The following SPINDOC variants were observed in gnomAD, a reference collection of about 807,000 sequenced individuals.
The protein encoded by SPINDOC is spindlin interactor and repressor of chromatin-binding protein.
A neutral mutation model predicts 30.7 loss-of-function variants in SPINDOC; 13 were observed. The observed-to-expected ratio is 0.42, with a 90% CI of 0.28 to 0.67. The LOEUF is 0.67. Among genes scored for constraint, SPINDOC ranks in the 30% least tolerant of loss-of-function variants. The pLI, the probability that SPINDOC is intolerant of heterozygous loss-of-function variation, is 0.22. For missense variants in SPINDOC, 438 were observed against 518.0 expected (o/e 0.85, Z 1.50); for synonymous variants, 228 against 211.4 (o/e 1.08, Z -0.68).
chr11:63,827,302 GTGTC>G lies in SPINDOC; in HGVS notation c.*167_*170del. On this transcript the variant is annotated 3_prime_UTR_variant, in exon 6 of 6. Coordinates refer to ENST00000294244, the MANE Select transcript of SPINDOC (RefSeq NM_138471.3). ...CACTGTTATTTCGGGGCACTGGAAA[GTGTC>G]TGTTCCTGGCCAGGCCTGAGGTCGG... The G allele has an allele frequency of 7.5e-7, 1 of 1,332,442 alleles. No individual in the cohort carries two copies. The highest frequency in any genetic ancestry group is 1.0e-6 in the Non-Finnish European group (1 of 986,908). 82.5% of individuals were successfully genotyped at this position (1,332,442 alleles called of 1,614,324 possible).
chr11:63,813,562 G>A lies in SPINDOC; in HGVS notation c.-125G>A. On this transcript the variant is annotated 5_prime_UTR_variant, in exon 1 of 6. Coordinates refer to ENST00000294244, the MANE Select transcript of SPINDOC (RefSeq NM_138471.3). ...CGAGCGGCGGGCGGGCGGCGGGGAG[G>A]GGGCTGCGCGGGGCGGGCGGCGGGC... 1 of 816,290 alleles carries A rather than the reference G, an allele frequency of 1.2e-6. No individual in the cohort carries two copies. The highest frequency in any genetic ancestry group is 1.5e-6 in the Non-Finnish European group (1 of 671,800). 50.6% of individuals were successfully genotyped at this position (816,290 alleles called of 1,614,324 possible).
Position 63,826,989 on chromosome 11 carries a change from GC to G in SPINDOC, c.1001del (p.Pro334GlnfsTer60). 1 of 1,613,438 alleles carries G rather than the reference GC, an allele frequency of 6.2e-7. No individual in the cohort carries two copies. The highest frequency in any genetic ancestry group is 8.5e-7 in the Non-Finnish European group (1 of 1,179,488). ...LQVIRVRMEE[P>X]PAVSLLQDWS... ...AGGTTATCCGCGTGCGGATGGAGGA[GC>G]CCCCAGCGGTCAGCCTCCTGCAAGA... On this transcript the variant is annotated frameshift_variant, in exon 6 of 6. Transcript: ENST00000294244. LOFTEE classifies it high-confidence loss of function.
At chr11:63,821,434 A>C (rs1278822878) in intron 5 of SPINDOC, among the ~76,000 whole-genome samples, 1 of 152,192 alleles carries the variant, frequency 6.6e-6, no homozygotes, top group Non-Finnish European at 1.5e-5. Flanking sequence ...TTGCCATGTA[A>C]CAAAACATTC....
intron 5 of SPINDOC, among the ~76,000 whole-genome samples, chr11:63,825,777 C>T (rs1257586790): frequency 6.6e-6 from 1 of 152,100 alleles, no homozygotes; most frequent in Non-Finnish European, 1.5e-5. Flanking sequence ...TTTTAAATTC[C>T]AGCACATCGC....
chr11:63,825,252 C>G (rs192236168), intron 5 of SPINDOC, among the ~76,000 whole-genome samples: 6 of 152,190 alleles, frequency 3.9e-5, no homozygotes, highest in South Asian at 2.1e-4. Context: ...ACCTCTCCCC[C>G]CACATCCCGC....
At chr11:63,823,335 CTT>C (rs1464453528) in intron 5 of SPINDOC, 1 of 1,176,854 alleles carries the variant, frequency 8.5e-7, no homozygotes, top group African/African-American at 1.6e-5. Flanking sequence ...TCTCTGAAGA[CTT>C]TATTTAAATA....
At position 63,818,890 on chromosome 11, in the gene SPINDOC, C is replaced by T. The variant is rs780810675; in HGVS notation, c.822C>T (p.Phe274=). Residue 274 remains phenylalanine, a synonymous_variant, in exon 5 of 6, where the codon TTC becomes TTT. Transcript: ENST00000294244. This position sits in a 1 kb window ranked among gnomAD's most constrained non-coding sequence, Gnocchi z 5.3. ...HFTDGSFPAG[F]VLQLFSHTQL... ...CTGACGGCAGCTTCCCCGCCGGCTT[C>T]GTCTTGCAGCTCTTCTCCCACACCC... 34 of 1,614,064 alleles carry T rather than the reference C, an allele frequency of 2.1e-5. No homozygotes were observed. Among genetic ancestry groups the T allele is most frequent in the Non-Finnish European group, 2.6e-5 (31 of 1,180,054 alleles).
rs878859920 is a variant in SPINDOC, at chr11:63,827,645, C to T, written c.*506C>T. ...TGGGCCTGGGCACCCCATTCACTCC[C>T]GTTCTCATTTACATCTGTTTTCCTG... On this transcript the variant is annotated 3_prime_UTR_variant, in exon 6 of 6. Coordinates refer to ENST00000294244, the MANE Select transcript of SPINDOC (RefSeq NM_138471.3). 4.1e-5 allele frequency: 7 copies of T among 171,548 alleles called. No individual in the cohort carries two copies. Among genetic ancestry groups the T allele is most frequent in the South Asian group, 1.5e-4 (1 of 6,864 alleles). 10.6% of individuals were successfully genotyped at this position (171,548 alleles called of 1,614,324 possible).
Position 63,818,312 on chromosome 11 carries a change from C to A in SPINDOC, c.554C>A (p.Pro185Gln), listed in dbSNP as rs780393570. 57 of 1,613,862 alleles carry A rather than the reference C, an allele frequency of 3.5e-5. No individual in the cohort carries two copies. The highest frequency in any genetic ancestry group is 4.7e-5 in the Non-Finnish European group (56 of 1,180,012). The change falls in exon 3 of 6, where the codon CCA (proline) becomes CAA (glutamine). Residue 185 changes from proline (P) to glutamine (Q), a missense_variant. Pro to Gln is a moderately conservative substitution (Grantham distance 76, BLOSUM62 -1). Transcript: ENST00000294244. This position sits in a 1 kb window ranked among gnomAD's most constrained non-coding sequence, Gnocchi z 5.3. Reference protein sequence around the residue: ...IVVLLDSEDNPSLPKRSRPRG... With the variant: ...IVVLLDSEDNQSLPKRSRPRG... The stretch of plus-strand genomic sequence containing the variant: ...GTTCTCCTTGACTCTGAGGATAACC[C>A]ATCCCTCCCTAAAAGGAGCCGGCCC...
chr11:63,817,623 G>T (rs1409649960), intron 1 of SPINDOC, among the ~76,000 whole-genome samples, 182 bp from the exon 2 acceptor site: 1 of 152,124 alleles, frequency 6.6e-6, no homozygotes, highest in African/African-American at 2.4e-5. Context: ...TGGGATCCCG[G>T]GCACATCGGC....
chr11:63,816,705 A>G (rs895317075), intron 1 of SPINDOC, among the ~76,000 whole-genome samples: 3 of 152,212 alleles, frequency 2.0e-5, no homozygotes, highest in Non-Finnish European at 4.4e-5. Flanking sequence ...TTCCAGGCTG[A>G]TGCAGGTCTA....
At position 63,813,717 on chromosome 11, in the gene SPINDOC, G is replaced by A. The variant is rs1248916415; in HGVS notation, c.31G>A (p.Asp11Asn). Residue 11 changes from aspartate to asparagine, a missense_variant, in exon 1 of 6, where the codon GAC becomes AAC. By Grantham distance (23) the Asp-to-Asn change is conservative. Transcript: ENST00000294244. MALKAEGAALDCFEVTLKCEE... is the reference protein window; with the variant it reads MALKAEGAALNCFEVTLKCEE... ...CCTAAAGGCCGAGGGCGCCGCACTCGACTGCTTCGAGGTGACGCTGAAATG... is the reference window on the plus strand; with the variant it reads ...CCTAAAGGCCGAGGGCGCCGCACTCAACTGCTTCGAGGTGACGCTGAAATG... 1.3e-6 allele frequency: 2 copies of A among 1,590,866 alleles called. No homozygotes were observed. Among genetic ancestry groups the A allele is most frequent in the Admixed American group, 1.8e-5 (1 of 57,056 alleles).
intron 5 of SPINDOC, among the ~76,000 whole-genome samples, chr11:63,826,602 G>A (rs1396429615): frequency 6.6e-6 from 1 of 152,164 alleles, no homozygotes; most frequent in Non-Finnish European, 1.5e-5. Context: ...AGATAAAATG[G>A]AGTTGGCTGC....
chr11:63,823,363 TA>T (rs973407840), intron 5 of SPINDOC: 10 of 1,173,898 alleles, frequency 8.5e-6, no homozygotes, highest in South Asian at 3.3e-5. Context: ...CCTGCCACTT[TA>T]AAAAAAATTA....
chr11:63,822,671 C>T (rs2015560246), intron 5 of SPINDOC: 3 of 1,288,936 alleles, frequency 2.3e-6, no homozygotes, highest in East Asian at 5.5e-5. Flanking sequence ...TCCCTGAGAC[C>T]GAGTGTGCTG....
intron 5 of SPINDOC, chr11:63,822,720 C>T (rs563477301): frequency 1.2e-5 from 15 of 1,288,776 alleles, no homozygotes; most frequent in South Asian, 1.1e-4. Flanking sequence ...TGGTCCTCTC[C>T]GGTGGATCCC....
At chr11:63,815,429 G>C (rs1448910977) in intron 1 of SPINDOC, among the ~76,000 whole-genome samples, 1 of 152,226 alleles carries the variant, frequency 6.6e-6, no homozygotes, top group Non-Finnish European at 1.5e-5. Flanking sequence ...GGTGCTCTTG[G>C]GAGACTGGGA....
chr11:63,821,481 G>C (rs1287175597), intron 5 of SPINDOC, among the ~76,000 whole-genome samples: 1 of 152,148 alleles, frequency 6.6e-6, no homozygotes. Context: ...GCATCATTCT[G>C]CCAACCACAC....
Position 63,818,692 on chromosome 11 carries a change from A to T in SPINDOC, c.733+40A>T. 1 of 1,612,464 alleles carries T rather than the reference A, an allele frequency of 6.2e-7. No individual in the cohort carries two copies. The highest frequency in any genetic ancestry group is 1.3e-5 in the African/African-American group (1 of 74,922). On this transcript the variant is annotated intron_variant, in intron 4 of 5. Transcript: ENST00000294244. This position sits in a 1 kb window ranked among gnomAD's most constrained non-coding sequence, Gnocchi z 5.3. Reference sequence around the variant, plus strand: ...CGGGGGAGGCGTGGGCTCTGGCCGCAGTGCTCTGAGGAAATCCGCATCAGT... The same window carrying T: ...CGGGGGAGGCGTGGGCTCTGGCCGCTGTGCTCTGAGGAAATCCGCATCAGT...
Sources: allele counts gnomAD v4.1 joint callset (sites outside exome capture counted in the v4.1 genomes callset), GRCh38; gene constraint gnomAD v4.1.1; non-coding constraint Gnocchi (gnomAD v3.1); transcripts MANE v1.5; gene names NCBI Gene and HGNC (gene_info 2026-07-23, HGNC 2026-07-21).